Variants in NVL observed in about 807,000 individuals in gnomAD.
NVL encodes the protein nuclear valosin-containing protein-like.
A neutral mutation model predicts 110.2 loss-of-function variants in NVL; 84 were observed. The observed-to-expected ratio is 0.76, with a 90% CI of 0.64 to 0.91. The LOEUF (loss-of-function observed/expected upper bound fraction) is 0.91, where lower values mean the gene tolerates loss of function less well. NVL is among the 40% of genes least tolerant of loss of function. NVL has a pLI of 0.00. For synonymous variants in NVL, 354 were observed against 361.1 expected (o/e 0.98, Z 0.22); for missense variants, 882 against 1,035.9 (o/e 0.85, Z 2.04).
intron 15 of NVL, among the ~76,000 whole-genome samples, chr1:224,283,768 T>A (rs997670966): frequency 6.6e-6 from 1 of 152,228 alleles, no homozygotes; most frequent in East Asian, 1.9e-4. Context: ...TTTCTGGCTA[T>A]ATTTTTCCAA....
At chr1:224,297,726 G>T in intron 10 of NVL, 1 of 161,234 alleles carries the variant, frequency 6.2e-6, no homozygotes, top group South Asian at 1.6e-4. Flanking sequence ...CTGTTCCTTT[G>T]GCTATATGTA....
intron 2 of NVL, among the ~76,000 whole-genome samples, chr1:224,320,813 T>C (rs1020979916): frequency 5.9e-5 from 9 of 152,246 alleles, no homozygotes; most frequent in African/African-American, 2.2e-4. Context: ...GCACACCTAG[T>C]TAATTTTTTG....
intron 19 of NVL, among the ~76,000 whole-genome samples, chr1:224,247,668 C>CA (rs529233393): frequency 0.37 from 53,807 of 145,666 alleles, 10,304 homozygotes; most frequent in South Asian, 0.56. Flanking sequence ...CACTCTGTCT[C>CA]AAAAAAAAAA....
chr1:224,236,523 A>G lies in NVL; in HGVS notation c.2349T>C (p.Leu783=), dbSNP rs374730642. ...DVNLEAIAGD[L]RCDCYTGADL... ...ACACTTACGTATAGCAATCACAGCG[A>G]AGGTCACCAGCAATTGCTTCCAAAT... The change falls in exon 20 of 23, where the codon CTT becomes CTC. Residue 783 remains leucine, a synonymous_variant. Transcript: ENST00000281701. The G allele has an allele frequency of 1.2e-5, 19 of 1,613,530 alleles. No homozygotes were observed. The African/African-American group carries it at 2.0e-4, about 17-fold the overall frequency.
intron 20 of NVL, among the ~76,000 whole-genome samples, chr1:224,235,843 G>C (rs868558019): frequency 8.6e-5 from 13 of 151,784 alleles, no homozygotes; most frequent in African/African-American, 3.1e-4. Context: ...TGAGGTCAGA[G>C]GATTGCTTGA....
chr1:224,250,020 A>C (rs1033441998), intron 19 of NVL, among the ~76,000 whole-genome samples, 192 bp downstream of exon 19: 1 of 152,210 alleles, frequency 6.6e-6, no homozygotes, highest in Non-Finnish European at 1.5e-5. Context: ...CTCCATTTCA[A>C]ATATGATCTG....
At chr1:224,232,259 A>T (rs1388813850) in intron 21 of NVL, 1 of 151,478 alleles carries the variant, frequency 6.6e-6, no homozygotes, top group East Asian at 1.9e-4. Flanking sequence ...AGGCTGAGGC[A>T]GGAGAATGGC....
intron 20 of NVL, among the ~76,000 whole-genome samples, chr1:224,235,193 A>G (rs1660325476): frequency 6.6e-6 from 1 of 151,880 alleles, no homozygotes; most frequent in Non-Finnish European, 1.5e-5. Context: ...TTTGAGATGG[A>G]GTGTCGCTCT....
chr1:224,279,186 T>C (rs541075624), intron 16 of NVL, among the ~76,000 whole-genome samples: 1 of 152,322 alleles, frequency 6.6e-6, no homozygotes, highest in East Asian at 1.9e-4. Context: ...TTTTAAAGTA[T>C]GGTTACATTC....
chr1:224,315,632 A>C (rs902788293), intron 4 of NVL, among the ~76,000 whole-genome samples: 1 of 152,228 alleles, frequency 6.6e-6, no homozygotes, highest in Non-Finnish European at 1.5e-5. Flanking sequence ...CTGCTAATGT[A>C]AAAGTAAAAT....
intron 18 of NVL, among the ~76,000 whole-genome samples, chr1:224,257,674 T>G (rs1663447107): frequency 6.6e-6 from 1 of 152,076 alleles, no homozygotes; most frequent in Non-Finnish European, 1.5e-5. Flanking sequence ...ACTACAGGCA[T>G]GCACCACCAT....
intron 14 of NVL, 26 bp from the exon 15 acceptor site, chr1:224,286,156 T>A (rs749020944): frequency 3.3e-6 from 5 of 1,514,490 alleles, no homozygotes; most frequent in Non-Finnish European, 4.6e-6. Flanking sequence ...CAAACGGCGA[T>A]CCATTACATG....
At chr1:224,281,815 T>C (rs1469934119) in intron 15 of NVL, among the ~76,000 whole-genome samples, 1 of 151,220 alleles carries the variant, frequency 6.6e-6, no homozygotes, top group Non-Finnish European at 1.5e-5. Flanking sequence ...TAGTCGGGCA[T>C]GGTGGCATGT....
intron 17 of NVL, 91 bp downstream of exon 17, chr1:224,275,248 G>A (rs1665640073): frequency 6.9e-7 from 1 of 1,456,394 alleles, no homozygotes; most frequent in Non-Finnish European, 9.5e-7. Flanking sequence ...ATGCTCCCAA[G>A]GGATGACTTC....
intron 6 of NVL, among the ~76,000 whole-genome samples, chr1:224,306,229 T>G (rs993239343): frequency 9.2e-5 from 14 of 152,132 alleles, no homozygotes; most frequent in African/African-American, 2.4e-5. Flanking sequence ...GTGACTGCAC[T>G]CTAGCCTGGG....
intron 17 of NVL, among the ~76,000 whole-genome samples, chr1:224,272,734 C>T (rs1309343541): frequency 1.3e-5 from 2 of 148,508 alleles, no homozygotes; most frequent in African/African-American, 5.0e-5. Context: ...ACAAACAAAA[C>T]AAAAAACAAA....
chr1:224,285,690 A>G lies in NVL; in HGVS notation c.1899+336T>C, dbSNP rs533660986. ...ATATAGAGGAAAATACTTAAGTTAT[A>G]AATAATAACAATACCAAAGCAGGAA... On this transcript the variant is annotated intron_variant, in intron 15 of 22. Coordinates refer to ENST00000281701, the MANE Select transcript of NVL (RefSeq NM_002533.4). Among the ~76,000 whole-genome samples the G allele has an allele frequency of 3.3e-5, 5 of 152,266 alleles. No individual in the cohort carries two copies. In the South Asian group the frequency reaches 8.3e-4, roughly 25 times the overall value.
intron 16 of NVL, among the ~76,000 whole-genome samples, chr1:224,279,347 A>C (rs1294527348): frequency 6.6e-6 from 1 of 152,110 alleles, no homozygotes; most frequent in Non-Finnish European, 1.5e-5. Flanking sequence ...CTGAGATAGG[A>C]GGATCACCTG....
intron 2 of NVL, among the ~76,000 whole-genome samples, chr1:224,324,718 T>C (rs914914016): frequency 8.5e-5 from 13 of 152,228 alleles, no homozygotes; most frequent in African/African-American, 3.1e-4. Flanking sequence ...AGTCCTTGCA[T>C]CTGGCCTGAT....
Sources: allele counts gnomAD v4.1 joint callset (sites outside exome capture counted in the v4.1 genomes callset), GRCh38; gene constraint gnomAD v4.1.1; transcripts MANE v1.5; gene names NCBI Gene and HGNC (gene_info 2026-07-23, HGNC 2026-07-21).